The following SOD2 variants were observed in gnomAD, a reference collection of about 807,000 sequenced individuals.
SOD2 encodes superoxide dismutase [Mn], mitochondrial.
In SOD2, 11 loss-of-function variants were observed where a neutral mutation model predicts 27.0. The ratio of observed to expected loss-of-function variants is 0.41; its 90% CI spans 0.26 to 0.67. The LOEUF is 0.67. Among genes scored for constraint, SOD2 ranks in the 30% least tolerant of loss-of-function variants. SOD2 has a pLI of 0.34. For synonymous variants in SOD2, 105 were observed against 103.0 expected, an observed-to-expected ratio of 1.02 and a Z score of -0.12; for missense variants, 250 against 274.5, an observed-to-expected ratio of 0.91 and a Z score of 0.63.
At chr6:159,716,795 ATTGTC>A (rs2114832498) in intron 1 of SOD2, among the ~76,000 whole-genome samples, 1 of 152,314 alleles carries the variant, frequency 6.6e-6, no homozygotes, top group Non-Finnish European at 1.5e-5. Context: ...ACACACACAA[ATTGTC>A]TTGTCCAAAA....
At chr6:159,754,008 A>ATT in intron 1 of SOD2, among the ~76,000 whole-genome samples, 1 of 152,330 alleles carries the variant, frequency 6.6e-6, no homozygotes, top group Non-Finnish European at 1.5e-5. Flanking sequence ...AAAGTAATAA[A>ATT]GTTGATTGTA....
At chr6:159,739,063 C>T (rs779152072) in intron 1 of SOD2, 2 of 1,599,736 alleles carry the variant, frequency 1.3e-6, no homozygotes, top group Non-Finnish European at 1.7e-6. Context: ...GTTCTCTGTT[C>T]AAAAACAAAG....
At chr6:159,744,252 C>T (rs771712113) in intron 1 of SOD2, among the ~76,000 whole-genome samples, 1 of 152,094 alleles carries the variant, frequency 6.6e-6, no homozygotes, top group South Asian at 2.1e-4. Context: ...TTGATGTGTA[C>T]TGTGTAGTAT....
chr6:159,741,960 T>A lies in SOD2; in HGVS notation c.-116+3170A>T, dbSNP rs114761903. Reference sequence around the variant, plus strand: ...GAGCGAGACTCTGTCTAAAAAAAACTAGATTTAAAATGAAAAATCCAGAAG... The same window carrying A: ...GAGCGAGACTCTGTCTAAAAAAAACAAGATTTAAAATGAAAAATCCAGAAG... On this transcript the variant is annotated intron_variant, in intron 1 of 3. Transcript: ENST00000537657. 3.5e-3 allele frequency: 2,516 copies of A among 721,486 alleles called. 9 individuals carry two copies. The highest frequency in any genetic ancestry group is 4.2e-3 in the Non-Finnish European group (1,816 of 437,094). 44.7% of individuals were successfully genotyped at this position (721,486 alleles called of 1,614,324 possible). A position where few individuals can be genotyped will look rare whatever the true frequency, so the allele number is the denominator to read the frequency against.
intron 1 of SOD2, among the ~76,000 whole-genome samples, chr6:159,759,059 ATTTC>A (rs1484156437): frequency 2.7e-5 from 4 of 147,136 alleles, no homozygotes; most frequent in Non-Finnish European, 4.5e-5. Flanking sequence ...ATTTTATTTT[ATTTC>A]TTTTTTTTTT....
chr6:159,716,305 T>C (rs2114831887), intron 1 of SOD2, among the ~76,000 whole-genome samples: 1 of 152,310 alleles, frequency 6.6e-6, no homozygotes, highest in East Asian at 1.9e-4. Flanking sequence ...AACAAGGTCA[T>C]CCCGGACCCA....
intron 1 of SOD2, among the ~76,000 whole-genome samples, chr6:159,734,809 AT>A (rs200318181): frequency 0.012 from 1,884 of 152,252 alleles, 17 homozygotes; most frequent in Middle Eastern, 0.037. Context: ...TTATATAAAG[AT>A]TTTATGTTTG....
chr6:159,736,965 G>A (rs1266029581), intron 1 of SOD2, among the ~76,000 whole-genome samples: 1 of 152,156 alleles, frequency 6.6e-6, no homozygotes, highest in Non-Finnish European at 1.5e-5. Context: ...TTCCTATTGT[G>A]GAGTCAGATT....
intron 1 of SOD2, chr6:159,743,660 A>T: frequency 6.3e-7 from 1 of 1,584,524 alleles, no homozygotes; most frequent in Non-Finnish European, 8.5e-7. Context: ...TTTTTGAATC[A>T]TCAGCTAATG....
chr6:159,710,851 C>T (rs563612529), intron 1 of SOD2, among the ~76,000 whole-genome samples: 2 of 150,926 alleles, frequency 1.3e-5, no homozygotes, highest in Non-Finnish European at 3.0e-5. Context: ...CCATAACCAC[C>T]TCATAACCAC....
intron 2 of SOD2, 111 bp from the exon 3 acceptor site, chr6:159,688,353 A>G: frequency 2.9e-6 from 2 of 693,606 alleles, no homozygotes; most frequent in Non-Finnish European, 2.5e-6. Flanking sequence ...CAGCTTATCT[A>G]TAACATCCGT....
intron 1 of SOD2, chr6:159,736,476 C>G (rs1464159840): frequency 2.1e-6 from 1 of 465,292 alleles, no homozygotes; most frequent in Non-Finnish European, 3.8e-6. Context: ...TATCTTATAT[C>G]CAGTATATTT....
rs1582998877 is a variant in SOD2, at chr6:159,680,196, T to A, written c.*2297A>T. On this transcript the variant is annotated 3_prime_UTR_variant, in exon 5 of 5. Transcript: ENST00000538183. ...AGATCTGCAAACCTTGTTAGTTCAA[T>A]ACAAACCATGATCTAGCAGACAACT... is the stretch of plus-strand genomic sequence containing the variant. The A allele has an allele frequency of 1.3e-5, 2 of 152,194 alleles. No homozygotes were observed. The highest frequency in any genetic ancestry group is 4.1e-4 in the South Asian group (2 of 4,832). 9.4% of individuals were successfully genotyped at this position (152,194 alleles called of 1,614,324 possible). A position where few individuals can be genotyped will look rare whatever the true frequency, so the allele number is the denominator to read the frequency against.
chr6:159,759,996 C>A (rs1029647199), intron 1 of SOD2, among the ~76,000 whole-genome samples: 1 of 152,202 alleles, frequency 6.6e-6, no homozygotes, highest in African/African-American at 2.4e-5. Context: ...GTGCATAAAG[C>A]AGTGTAACAG....
Position 159,738,529 on chromosome 6 carries a change from T to TA in SOD2, c.-116+6600dup, listed in dbSNP as rs1779056629. On this transcript the variant is annotated intron_variant, in intron 1 of 3. Coordinates refer to the SOD2 transcript ENST00000537657. Reference sequence around the variant, plus strand: ...TTTTCAGTTTTTTAGCTTTTACAAGTAAAGCTGCTTGCATGTTTTCATTTC... The same window carrying TA: ...TTTTCAGTTTTTTAGCTTTTACAAGTAAAAGCTGCTTGCATGTTTTCATTTC... Among the ~76,000 whole-genome samples the TA allele has an allele frequency of 2.6e-5, 4 of 152,352 alleles. No homozygotes were observed. The South Asian group carries it at 8.3e-4, about 32-fold the overall frequency.
chr6:159,719,329 C>T (rs759974510), intron 1 of SOD2, among the ~76,000 whole-genome samples: 9 of 152,112 alleles, frequency 5.9e-5, no homozygotes, highest in Non-Finnish European at 1.3e-4. Context: ...TCAAGACCAG[C>T]CTGGCCAACA....
At position 159,682,270 on chromosome 6, in the gene SOD2, C is replaced by A; in HGVS notation, c.*223G>T. 2.7e-6 allele frequency: 1 copy of A among 369,210 alleles called. No individual in the cohort carries two copies. Among genetic ancestry groups the A allele is most frequent in the Non-Finnish European group, 4.8e-6 (1 of 207,080 alleles). 22.9% of individuals were successfully genotyped at this position (369,210 alleles called of 1,614,324 possible). Reference sequence around the variant, plus strand: ...AATTTAGCTCTCTGAAGAAAATGTCCAATCAGATTCAATCACACAAAGCAT... The same window carrying A: ...AATTTAGCTCTCTGAAGAAAATGTCAAATCAGATTCAATCACACAAAGCAT... On this transcript the variant is annotated 3_prime_UTR_variant, in exon 5 of 5. Coordinates refer to ENST00000538183, the MANE Select transcript of SOD2 (RefSeq NM_000636.4).
chr6:159,759,967 C>T (rs1232645607), intron 1 of SOD2, among the ~76,000 whole-genome samples: 2 of 152,184 alleles, frequency 1.3e-5, no homozygotes, highest in Non-Finnish European at 2.9e-5. Flanking sequence ...TCATAACTGC[C>T]TATAATGTGC....
At chr6:159,761,941 G>A in exon 1 of SOD2, 1 of 953,774 alleles carries the variant, frequency 1.0e-6, no homozygotes, top group Non-Finnish European at 1.6e-6. Flanking sequence ...GCGCACAGTG[G>A]GATGCGCGGG....
Sources: allele counts gnomAD v4.1 joint callset (sites outside exome capture counted in the v4.1 genomes callset), GRCh38; gene constraint gnomAD v4.1.1; transcripts MANE v1.5; gene names NCBI Gene and HGNC (gene_info 2026-07-23, HGNC 2026-07-21).